ATP5ME: variants seen among roughly 807,000 people sequenced by gnomAD.
The protein encoded by ATP5ME is ATP synthase F(0) complex subunit e, mitochondrial.
A neutral mutation model predicts 11.6 loss-of-function variants in ATP5ME; 10 were observed. The observed-to-expected ratio is 0.86, with a 90% confidence interval of 0.53 to 1.46. ATP5ME has a LOEUF of 1.46. Among genes scored for constraint, ATP5ME ranks in the 40% most tolerant of loss-of-function variants. ATP5ME has a pLI of 0.00. For synonymous variants in ATP5ME, 45 were observed against 33.5 expected (o/e 1.34, Z -1.19); for missense variants, 115 against 85.4 (o/e 1.35, Z -1.37).
At chr4:674,111 T>TGGGGGCG (rs1738663851) in intron 1 of ATP5ME, 101 bp downstream of exon 1, 2 of 322,230 alleles carry the variant, frequency 6.2e-6, no homozygotes, top group Non-Finnish European at 8.4e-6. Flanking sequence ...GCGAGGATCA[T>TGGGGGCG]GGGGGCGGGG....
rs554583570 is a variant in ATP5ME, at chr4:674,060, C to T, written c.37-94G>A. The T allele has an allele frequency of 3.0e-4, 425 of 1,425,620 alleles. 2 individuals are homozygous for T. The African/African-American group carries it at 6.0e-3, about 20-fold the overall frequency. The allele number at this position is 1,425,620 out of a possible 1,614,324, so 88.3% of individuals were successfully genotyped here. A position where few individuals can be genotyped will look rare whatever the true frequency, so the allele number is the denominator to read the frequency against. On this transcript the variant is annotated intron_variant, in intron 1 of 3. Transcript: ENST00000304312. ...GGGCGGGGTCGCTGGGCAGAGGTCG[C>T]AGGAGGGGTGGGGGTCCGGTCGCCG... is the stretch of plus-strand genomic sequence containing the variant.
chr4:673,966 G>A lies in ATP5ME; in HGVS notation c.37C>T (p.Leu13Phe), dbSNP rs1486269726. The A allele has an allele frequency of 3.2e-6, 5 of 1,545,108 alleles. No homozygotes were observed. The East Asian group carries it at 9.8e-5, about 30-fold the overall frequency. ...AGGAACAGGGCGGAGTAGCGGCCGA[G>A]CTGCGAAAGAGGTTGGTCAGAGGCG... ...PPVQVSPLIK[L>F]GRYSALFLGV... is the part of the protein sequence containing the mutation. The change falls in exon 2 of 4, where the codon CTC (leucine) becomes TTC (phenylalanine). Residue 13 changes from leucine to phenylalanine, a missense_variant and splice_region_variant. Physicochemically the swap from Leu to Phe is conservative, Grantham distance 22 (BLOSUM62 0). Transcript: ENST00000304312.
At chr4:672,881 G>A (rs1288985251) in intron 3 of ATP5ME, among the ~76,000 whole-genome samples, 1 of 152,222 alleles carries the variant, frequency 6.6e-6, no homozygotes, top group Non-Finnish European at 1.5e-5. Context: ...CTGAGTAGCT[G>A]GGATTACAGG....
intron 2 of ATP5ME, 24 bp from the exon 3 acceptor site, chr4:673,425 T>C: frequency 6.2e-7 from 1 of 1,614,004 alleles, no homozygotes; most frequent in Non-Finnish European, 8.5e-7. Flanking sequence ...TGCAGGAGAA[T>C]AAAATTCACT....
intron 1 of ATP5ME, 117 bp downstream of exon 1, chr4:674,095 C>T: frequency 7.4e-7 from 1 of 1,357,886 alleles, no homozygotes; most frequent in East Asian, 2.8e-5. Flanking sequence ...GGGCGAGGGT[C>T]ACGGGGCGAG....
Position 673,943 on chromosome 4 carries a change from G to A in ATP5ME, c.60C>T (p.Phe20=), listed in dbSNP as rs749302153. Residue 20 remains phenylalanine (F), a synonymous_variant, in exon 2 of 4, where the codon TTC becomes TTT. Transcript: ENST00000304312. Reference sequence around the variant, plus strand: ...GCGTGGCTCCGTAGGCCACACCGAGGAACAGGGCGGAGTAGCGGCCGAGCT... The same window carrying A: ...GCGTGGCTCCGTAGGCCACACCGAGAAACAGGGCGGAGTAGCGGCCGAGCT... ...LIKLGRYSAL[F]LGVAYGATRY... 14 of 1,545,832 alleles carry A rather than the reference G, an allele frequency of 9.1e-6. No individual in the cohort carries two copies. The highest frequency in any genetic ancestry group is 5.5e-5 in the African/African-American group (4 of 72,978).
rs1380040090 is a variant in ATP5ME, at chr4:673,168, C to CCA, written c.190+133_190+134dup. The CCA allele has an allele frequency of 1.9e-5, 27 of 1,396,904 alleles. No homozygotes were observed. The East Asian group carries it at 6.8e-4, about 35-fold the overall frequency. The allele number at this position is 1,396,904 out of a possible 1,614,324, so 86.5% of individuals were successfully genotyped here. A position where few individuals can be genotyped will look rare whatever the true frequency, so the allele number is the denominator to read the frequency against. On this transcript the variant is annotated intron_variant, in intron 3 of 3. Coordinates refer to ENST00000304312, the MANE Select transcript of ATP5ME (RefSeq NM_007100.4). ...CAAAGTGCTGGGATACAGGCATGAG[C>CCA]CACCACGCCTGGCCAGCTTCCCCAT...
At chr4:672,690 A>C (rs1738580815) in intron 3 of ATP5ME, among the ~76,000 whole-genome samples, 171 bp from the exon 4 acceptor site, 1 of 150,882 alleles carries the variant, frequency 6.6e-6, no homozygotes, top group East Asian at 2.0e-4. Flanking sequence ...ATCCCAGGTT[A>C]AAGCGATTCT....
chr4:673,264 C>G (rs1308266085), intron 3 of ATP5ME, 39 bp downstream of exon 3: 1 of 1,613,986 alleles, frequency 6.2e-7, no homozygotes, highest in Non-Finnish European at 8.5e-7. Flanking sequence ...CTGCACAAAC[C>G]TGGGAGGGAC....
In ATP5ME at chr4:673,402, CTGTT is replaced by C. The variant is rs1441207323; in HGVS notation, c.92-5_92-2del. 10 of 1,614,020 alleles carry C rather than the reference CTGTT, an allele frequency of 6.2e-6. No homozygotes were observed. The highest frequency in any genetic ancestry group is 1.3e-5 in the African/African-American group (1 of 74,928). Reference sequence around the variant, plus strand: ...TCTTCTGCCCGAGGTTTTAGGTAATCTGTTTGGCGGAATGCAGGAGAATAAAATT... The same window carrying C: ...TCTTCTGCCCGAGGTTTTAGGTAATCTGGCGGAATGCAGGAGAATAAAATT... On this transcript the variant is annotated splice_acceptor_variant and splice_polypyrimidine_tract_variant and intron_variant, in intron 2 of 3. Coordinates refer to ENST00000304312, the MANE Select transcript of ATP5ME (RefSeq NM_007100.4). LOFTEE classifies it high-confidence loss of function.
rs1338955878 is a variant in ATP5ME at position 672,593 on chromosome 4, GTTAT to G, written c.191-78_191-75del. ...CTAAAAAGACCACTTCAGCTTCCCA[GTTAT>G]TTTTTTTTTTTTTTTTTTTGTTTTG... On this transcript the variant is annotated intron_variant, in intron 3 of 3. Coordinates refer to ENST00000304312, the MANE Select transcript of ATP5ME (RefSeq NM_007100.4). 29 of 1,101,052 alleles carry G rather than the reference GTTAT, an allele frequency of 2.6e-5. No individual in the cohort carries two copies. In the African/African-American group the frequency reaches 3.6e-4, roughly 14 times the overall value. 68.2% of individuals were successfully genotyped at this position (1,101,052 alleles called of 1,614,324 possible).
Position 673,160 on chromosome 4 carries a change from G to A in ATP5ME, c.190+143C>T, listed in dbSNP as rs544932916. ...TGGCCTCCCAAAGTGCTGGGATACAGGCATGAGCCACCACGCCTGGCCAGC... is the reference window on the plus strand; with the variant it reads ...TGGCCTCCCAAAGTGCTGGGATACAAGCATGAGCCACCACGCCTGGCCAGC... On this transcript the variant is annotated intron_variant, in intron 3 of 3. Transcript: ENST00000304312. 3.4e-4 allele frequency: 455 copies of A among 1,355,930 alleles called. 2 individuals carry two copies. In the African/African-American group the frequency reaches 6.0e-3, roughly 18 times the overall value. 84.0% of individuals were successfully genotyped at this position (1,355,930 alleles called of 1,614,324 possible).
chr4:673,454 G>T, intron 2 of ATP5ME, 53 bp from the exon 3 acceptor site: 1 of 1,612,776 alleles, frequency 6.2e-7, no homozygotes, highest in Non-Finnish European at 8.5e-7. Flanking sequence ...TGTACAAAAG[G>T]AACTGAGTCC....
chr4:672,499 C>G lies in ATP5ME; in HGVS notation c.*1G>C. The G allele has an allele frequency of 6.2e-7, 1 of 1,614,002 alleles. No individual in the cohort carries two copies. Among genetic ancestry groups the G allele is most frequent in the Non-Finnish European group, 8.5e-7 (1 of 1,179,976 alleles). On this transcript the variant is annotated 3_prime_UTR_variant, in exon 4 of 4. Transcript: ENST00000304312. ...GTCCAAAGAGTGGGTCGCAGGGTCA[C>G]TCACTTTAATATGCTGTCATCTTGG... is the stretch of plus-strand genomic sequence containing the variant.
At chr4:673,036 C>T (rs540152517) in intron 3 of ATP5ME, among the ~76,000 whole-genome samples, 1 of 152,350 alleles carries the variant, frequency 6.6e-6, no homozygotes, top group East Asian at 1.9e-4. Context: ...GCATGAGCCA[C>T]CGCACCGGGC....
intron 2 of ATP5ME, chr4:673,641 T>TG: frequency 1.3e-6 from 1 of 774,516 alleles, no homozygotes; most frequent in Non-Finnish European, 2.1e-6. Flanking sequence ...GAACAGGGAC[T>TG]GCCTCCCATC....
Position 673,174 on chromosome 4 carries a change from C to T in ATP5ME, c.190+129G>A, listed in dbSNP as rs186082813. The T allele has an allele frequency of 3.5e-4, 505 of 1,442,978 alleles. 1 individual carries two copies. The highest frequency in any genetic ancestry group is 4.1e-4 in the Non-Finnish European group (436 of 1,068,806). The allele number at this position is 1,442,978 out of a possible 1,614,324, so 89.4% of individuals were successfully genotyped here. A position where few individuals can be genotyped will look rare whatever the true frequency, so the allele number is the denominator to read the frequency against. ...GCTGGGATACAGGCATGAGCCACCA[C>T]GCCTGGCCAGCTTCCCCATTTTTAA... On this transcript the variant is annotated intron_variant, in intron 3 of 3. Coordinates refer to ENST00000304312, the MANE Select transcript of ATP5ME (RefSeq NM_007100.4).
chr4:673,919 C>G lies in ATP5ME; in HGVS notation c.84G>C (p.Thr28=). The change falls in exon 2 of 4, where the codon ACG becomes ACC. Residue 28 remains threonine, a synonymous_variant. Transcript: ENST00000304312. ...ALFLGVAYGA[T]RYNYLKPRAE... is the part of the protein sequence containing the mutation. Reference sequence around the variant, plus strand: ...CCGCCCGCGGTCACTCACTGTAGCGCGTGGCTCCGTAGGCCACACCGAGGA... The same window carrying G: ...CCGCCCGCGGTCACTCACTGTAGCGGGTGGCTCCGTAGGCCACACCGAGGA... The G allele has an allele frequency of 6.5e-7, 1 of 1,546,234 alleles. No individual in the cohort carries two copies. Among genetic ancestry groups the G allele is most frequent in the Non-Finnish European group, 8.7e-7 (1 of 1,146,854 alleles).
At chr4:674,016 G>C in intron 1 of ATP5ME, 50 bp from the exon 2 acceptor site, 1 of 1,534,688 alleles carries the variant, frequency 6.5e-7, no homozygotes, top group Non-Finnish European at 8.7e-7. Flanking sequence ...TCGCGGGACG[G>C]GGGTCGCGGG....
Sources: allele counts gnomAD v4.1 joint callset (sites outside exome capture counted in the v4.1 genomes callset), GRCh38; gene constraint gnomAD v4.1.1; transcripts MANE v1.5; gene names NCBI Gene and HGNC (gene_info 2026-07-23, HGNC 2026-07-21).